Variants in INVS observed in about 807,000 individuals in gnomAD.
INVS encodes the protein inversion of embryo turning homolog.
A neutral mutation model predicts 108.8 loss-of-function variants in INVS; 86 were observed. That is an observed-to-expected ratio of 0.79 (90% CI 0.66 to 0.95). The LOEUF (loss-of-function observed/expected upper bound fraction) is 0.95. INVS is among the 40% of genes least tolerant of loss of function. The pLI, the probability that INVS is intolerant of heterozygous loss-of-function variation, is 0.00. For missense variants in INVS, 1,169 were observed against 1,297.4 expected, an observed-to-expected ratio of 0.90 and a Z score of 1.52; for synonymous variants, 455 against 473.5, an observed-to-expected ratio of 0.96 and a Z score of 0.51.
chr9:100,223,302 G>C (rs1298467172), intron 3 of INVS, among the ~76,000 whole-genome samples: 1 of 151,804 alleles, frequency 6.6e-6, no homozygotes, highest in Non-Finnish European at 1.5e-5. Context: ...TCACTATATT[G>C]GCCAGCCTGG....
intron 16 of INVS, 197 bp downstream of exon 16, chr9:100,298,207 ATTG>A (rs1173079616): frequency 2.0e-5 from 29 of 1,482,944 alleles, no homozygotes; most frequent in African/African-American, 4.2e-5. Context: ...AAAAGCTATT[ATTG>A]TTAACATTAA....
At chr9:100,103,194 C>T (rs1488591354) in intron 1 of INVS, among the ~76,000 whole-genome samples, 4 of 152,190 alleles carry the variant, frequency 2.6e-5, no homozygotes, top group Non-Finnish European at 5.9e-5. Flanking sequence ...GGGTCTCAAC[C>T]TGTTGCCCAG....
chr9:100,301,160 CACACACACACACACACACAT>C lies in INVS; in HGVS notation c.*488_*507del, dbSNP rs983352316. The stretch of plus-strand genomic sequence containing the variant: ...CTTATCACACACACACACACACACA[CACACACACACACACACACAT>C]ATCACGTCCCACTATTACTTCAAAA... On this transcript the variant is annotated 3_prime_UTR_variant, in exon 17 of 17. Transcript: ENST00000262457. 1.8e-4 allele frequency among the ~76,000 whole-genome samples: 22 copies of C among 119,326 alleles called. No individual in the cohort carries two copies. The East Asian group carries it at 2.6e-3, about 14-fold the overall frequency. 78.3% of individuals were successfully genotyped at this position (119,326 alleles called of 152,430 possible).
intron 2 of INVS, among the ~76,000 whole-genome samples, chr9:100,124,559 A>AAAC (rs1554714999): frequency 1.3e-5 from 2 of 151,622 alleles, no homozygotes; most frequent in African/African-American, 4.9e-5. Context: ...AAAAAAAAAA[A>AAAC]AAACTAAAGA....
At chr9:100,250,397 A>C (rs1348360635) in intron 8 of INVS, among the ~76,000 whole-genome samples, 1 of 152,130 alleles carries the variant, frequency 6.6e-6, no homozygotes, top group Admixed American at 6.5e-5. Flanking sequence ...GTAAATGTGA[A>C]TGTTCTACCC....
At chr9:100,117,516 G>C (rs867246161) in intron 2 of INVS, 2 of 907,584 alleles carry the variant, frequency 2.2e-6, no homozygotes, top group East Asian at 2.4e-5. Flanking sequence ...CCCCGTCCAC[G>C]GCCGCAACCC....
chr9:100,273,995 AT>A (rs71370987), intron 12 of INVS, among the ~76,000 whole-genome samples: 18 of 152,088 alleles, frequency 1.2e-4, no homozygotes, highest in Non-Finnish European at 1.9e-4. Flanking sequence ...AGGACTTCGC[AT>A]TTTTTTTGGA....
intron 3 of INVS, among the ~76,000 whole-genome samples, chr9:100,128,174 T>C (rs946446994): frequency 6.6e-6 from 1 of 152,212 alleles, no homozygotes; most frequent in African/African-American, 2.4e-5. Context: ...ACCAGACATG[T>C]TAGCTGTAAT....
chr9:100,265,252 A>C (rs569089423), intron 11 of INVS, among the ~76,000 whole-genome samples: 12 of 152,086 alleles, frequency 7.9e-5, no homozygotes, highest in Non-Finnish European at 1.5e-4. Context: ...CAAGTTGTTG[A>C]CTTTTTTTTA....
At chr9:100,124,546 TA>T (rs55879793) in intron 2 of INVS, among the ~76,000 whole-genome samples, 103 of 136,920 alleles carry the variant, frequency 7.5e-4, no homozygotes, top group Admixed American at 8.8e-4. Context: ...AGACCCTCAT[TA>T]AAAAAAAAAA....
chr9:100,267,096 A>T (rs1420565817), intron 11 of INVS, among the ~76,000 whole-genome samples: 1 of 151,870 alleles, frequency 6.6e-6, no homozygotes, highest in African/African-American at 2.4e-5. Context: ...TTCTATAAAA[A>T]TTTATTCTGT....
intron 13 of INVS, among the ~76,000 whole-genome samples, chr9:100,286,154 A>T (rs1430773853): frequency 1.3e-5 from 2 of 152,194 alleles, no homozygotes; most frequent in Non-Finnish European, 2.9e-5. Context: ...GAAATAATTC[A>T]TGTAGTGTAC....
chr9:100,183,940 G>A (rs78982282), intron 3 of INVS, among the ~76,000 whole-genome samples: 2,070 of 151,658 alleles, frequency 0.014, 36 homozygotes, highest in African/African-American at 0.048. Context: ...GTAAATATAG[G>A]TATAATACAT....
chr9:100,284,752 G>C, intron 13 of INVS, 149 bp downstream of exon 13: 1 of 851,416 alleles, frequency 1.2e-6, no homozygotes, highest in East Asian at 2.7e-5. Flanking sequence ...GTTTCCTCTG[G>C]TTCTCAGTTC....
In INVS at chr9:100,141,977, T is replaced by G. The variant is rs199544628; in HGVS notation, c.273+15428T>G. Among the ~76,000 whole-genome samples the G allele has an allele frequency of 5.9e-5, 9 of 151,506 alleles. No homozygotes were observed. The East Asian group carries it at 1.7e-3, about 29-fold the overall frequency. On this transcript the variant is annotated intron_variant, in intron 3 of 16. Transcript: ENST00000262457. Reference sequence around the variant, plus strand: ...ATAGGTGGAAGTTTCAGTGGGGGAGTAGGTGGGAGTGACTGACGTGAAGGA... The same window carrying G: ...ATAGGTGGAAGTTTCAGTGGGGGAGGAGGTGGGAGTGACTGACGTGAAGGA...
At chr9:100,117,547 GA>G in intron 2 of INVS, 1 of 1,085,804 alleles carries the variant, frequency 9.2e-7, no homozygotes, top group Non-Finnish European at 1.4e-6. Context: ...TGCCACTGCG[GA>G]AACCTCCGCG....
chr9:100,155,819 G>A (rs974643810), intron 3 of INVS, among the ~76,000 whole-genome samples: 2 of 152,176 alleles, frequency 1.3e-5, no homozygotes, highest in African/African-American at 2.4e-5. Context: ...GTAAGATGAA[G>A]CAAGTGAATA....
At chr9:100,199,925 A>G (rs1475641553) in intron 3 of INVS, among the ~76,000 whole-genome samples, 2 of 152,170 alleles carry the variant, frequency 1.3e-5, no homozygotes, top group Non-Finnish European at 2.9e-5. Flanking sequence ...GACACCAATT[A>G]CACATAACAT....
chr9:100,100,861 A>AATATATAATATAT (rs1826901114), intron 1 of INVS, among the ~76,000 whole-genome samples: 1 of 7,024 alleles, frequency 1.4e-4, no homozygotes, highest in Non-Finnish European at 1.8e-4. Flanking sequence ...ATGTATATAT[A>AATATATAATATAT]ATATATATAT....
Sources: gnomAD v4.1 joint callset for allele counts (sites outside exome capture counted in the v4.1 genomes callset) on GRCh38, gnomAD v4.1.1 for gene constraint, MANE v1.5 for transcripts, NCBI Gene and HGNC (gene_info 2026-07-23, HGNC 2026-07-21) for gene names.